The following PDE4B variants were observed in gnomAD, a reference collection of about 807,000 sequenced individuals.
PDE4B encodes phosphodiesterase 4B, also known as 3',5'-cyclic-AMP phosphodiesterase 4B.
Under a neutral mutation model 82.2 loss-of-function variants are expected in PDE4B, and 20 were observed. That is an observed-to-expected ratio of 0.24 (90% confidence interval 0.17 to 0.35). The LOEUF (loss-of-function observed/expected upper bound fraction) is 0.35. Ranked by LOEUF, PDE4B falls within the 10% of genes least tolerant of loss-of-function variation. The pLI is 1.00. For synonymous variants in PDE4B, 320 were observed against 318.9 expected (o/e 1.00, Z -0.04); for missense variants, 655 against 907.2 (o/e 0.72, Z 3.57).
intron 6 of PDE4B, among the ~76,000 whole-genome samples, chr1:66,260,336 G>T (rs983369171): frequency 6.6e-6 from 1 of 152,162 alleles, no homozygotes; most frequent in African/African-American, 2.4e-5. Context: ...AACCTGTTAA[G>T]TCTTCTGGGT....
chr1:65,882,628 T>TA (rs5774773), intron 1 of PDE4B, among the ~76,000 whole-genome samples: 151,617 of 152,112 alleles, frequency 1, 75,563 homozygotes, highest in East Asian at 1. Flanking sequence ...AGGGTACATT[T>TA]AAAAAAGATT....
At chr1:65,850,422 G>A (rs1181193744) in intron 1 of PDE4B, among the ~76,000 whole-genome samples, 1 of 152,108 alleles carries the variant, frequency 6.6e-6, no homozygotes, top group Non-Finnish European at 1.5e-5. Flanking sequence ...TAGTGAATTT[G>A]TAGTGCATAG....
In PDE4B at chr1:66,265,846, G is replaced by A. The variant is rs138803596; in HGVS notation, c.585-192G>A. Among the ~76,000 whole-genome samples, 990 of 152,234 alleles carry A rather than the reference G, an allele frequency of 6.5e-3. 18 individuals carry two copies. The highest frequency in any genetic ancestry group is 0.023 in the African/African-American group (962 of 41,532). The stretch of plus-strand genomic sequence containing the variant: ...GAGGACTTGCAGAGGGAAATTCCAG[G>A]CCATCTGGATGTGAGAGAATTGCAG... On this transcript the variant is annotated intron_variant, in intron 6 of 16. Coordinates refer to ENST00000341517, the MANE Select transcript of PDE4B (RefSeq NM_002600.4).
At chr1:65,891,785 A>G (rs1344061712) in intron 1 of PDE4B, among the ~76,000 whole-genome samples, 1 of 152,064 alleles carries the variant, frequency 6.6e-6, no homozygotes, top group Non-Finnish European at 1.5e-5. Flanking sequence ...ATCTATATAA[A>G]TTGTTGTGTT....
At chr1:66,327,390 A>G (rs1025519883) in intron 7 of PDE4B, among the ~76,000 whole-genome samples, 1 of 152,254 alleles carries the variant, frequency 6.6e-6, no homozygotes, top group Non-Finnish European at 1.5e-5. Flanking sequence ...CACATACATG[A>G]CATGCACAAA....
At chr1:65,913,196 C>T (rs1647116563) in intron 1 of PDE4B, 49 bp from the exon 2 acceptor site, 3 of 730,742 alleles carry the variant, frequency 4.1e-6, no homozygotes, top group Non-Finnish European at 7.0e-6. Context: ...ACATATTTTT[C>T]TTTAAGGATA....
chr1:66,243,391 G>C (rs758269460), intron 3 of PDE4B, among the ~76,000 whole-genome samples: 5 of 152,210 alleles, frequency 3.3e-5, no homozygotes, highest in African/African-American at 1.2e-4. Context: ...AGGTGCCTGG[G>C]ATACAAGAAT....
chr1:66,000,507 C>G (rs2100706793), intron 3 of PDE4B, among the ~76,000 whole-genome samples: 1 of 152,284 alleles, frequency 6.6e-6, no homozygotes, highest in East Asian at 1.9e-4. Flanking sequence ...TCACTTGGTT[C>G]TGCCTCATTT....
intron 3 of PDE4B, among the ~76,000 whole-genome samples, chr1:66,093,621 T>G (rs1645064476): frequency 2.0e-5 from 3 of 152,070 alleles, no homozygotes; most frequent in Admixed American, 2.0e-4. Context: ...TTCCTGAGGC[T>G]TCTAACCAAT....
chr1:66,113,833 G>A (rs1645537507), intron 3 of PDE4B, among the ~76,000 whole-genome samples: 1 of 152,134 alleles, frequency 6.6e-6, no homozygotes, highest in Admixed American at 6.5e-5. Context: ...CAAATATATT[G>A]TTTTGAGAGT....
chr1:66,308,824 G>T (rs566769617), intron 7 of PDE4B, among the ~76,000 whole-genome samples: 81 of 152,056 alleles, frequency 5.3e-4, no homozygotes, highest in Non-Finnish European at 7.6e-4. Context: ...GAAAGTGTGG[G>T]CAACTTGACA....
chr1:66,278,827 CGTGTGTGTGTGTGTATGTGTGTTTGT>C (rs143124694), intron 7 of PDE4B, among the ~76,000 whole-genome samples: 5,315 of 151,304 alleles, frequency 0.035, 256 homozygotes, highest in East Asian at 0.25. Flanking sequence ...AGTTCTGTGC[CGTGTGTGTGTGTGTATGTGTGTTTGT>C]GTGTGTGTGT....
chr1:66,374,503 A>C lies in PDE4B; in HGVS notation c.*1825A>C, dbSNP rs2050898709. 1 of 152,658 alleles carries C rather than the reference A, an allele frequency of 6.6e-6. No individual in the cohort carries two copies. Among genetic ancestry groups the C allele is most frequent in the Non-Finnish European group, 1.5e-5 (1 of 68,042 alleles). 9.5% of individuals were successfully genotyped at this position (152,658 alleles called of 1,614,324 possible). On this transcript the variant is annotated 3_prime_UTR_variant, in exon 17 of 17. Coordinates refer to ENST00000341517, the MANE Select transcript of PDE4B (RefSeq NM_002600.4). Reference sequence around the variant, plus strand: ...TTCTCACAATGTATGTTATAGTATTATTATTATATATTGTGTTCAAATGCA... The same window carrying C: ...TTCTCACAATGTATGTTATAGTATTCTTATTATATATTGTGTTCAAATGCA...
At chr1:66,242,202 A>G (rs527404273) in intron 3 of PDE4B, among the ~76,000 whole-genome samples, 6 of 152,318 alleles carry the variant, frequency 3.9e-5, no homozygotes, top group Admixed American at 3.9e-4. Context: ...GCAGTTTTCA[A>G]ATGAAGCTTC....
chr1:65,849,041 A>G (rs1489795400), intron 1 of PDE4B, among the ~76,000 whole-genome samples: 1 of 152,174 alleles, frequency 6.6e-6, no homozygotes, highest in Non-Finnish European at 1.5e-5. Flanking sequence ...AAAATTGGCT[A>G]TTAAGAGGTA....
chr1:66,010,778 T>C (rs1350150714), intron 3 of PDE4B, among the ~76,000 whole-genome samples: 1 of 149,114 alleles, frequency 6.7e-6, no homozygotes, highest in African/African-American at 2.5e-5. Context: ...CTTTCTCTCC[T>C]TGCTTCAACA....
intron 3 of PDE4B, among the ~76,000 whole-genome samples, chr1:66,144,141 G>A (rs1417385782): frequency 6.6e-6 from 1 of 152,304 alleles, no homozygotes; most frequent in East Asian, 1.9e-4. Context: ...TTGCAAGGAG[G>A]GAGAAAGGAA....
intron 3 of PDE4B, among the ~76,000 whole-genome samples, chr1:66,166,324 A>G (rs568871326): frequency 6.6e-6 from 1 of 152,370 alleles, no homozygotes; most frequent in Admixed American, 6.5e-5. Context: ...TTCATGACCT[A>G]GGGTTAGTCA....
intron 7 of PDE4B, chr1:66,267,369 G>A (rs1219035724): frequency 6.6e-6 from 1 of 152,212 alleles, no homozygotes; most frequent in African/African-American, 2.4e-5. Context: ...ATCGAAGGAG[G>A]TAGTTTTGAA....
Sources: gnomAD v4.1 joint callset for allele counts (sites outside exome capture counted in the v4.1 genomes callset) on GRCh38, gnomAD v4.1.1 for gene constraint, MANE v1.5 for transcripts, NCBI Gene and HGNC (gene_info 2026-07-23, HGNC 2026-07-21) for gene names.